The following PRDM16 variants were observed in gnomAD, a reference collection of about 807,000 sequenced individuals.
The protein encoded by PRDM16 is histone-lysine N-methyltransferase PRDM16.
PRDM16 carries 23 observed loss-of-function variants against 110.6 expected under a neutral mutation model. The ratio of observed to expected loss-of-function variants is 0.21; its 90% confidence interval spans 0.15 to 0.29. The LOEUF (loss-of-function observed/expected upper bound fraction) is 0.29. Among genes scored for constraint, PRDM16 ranks in the 10% least tolerant of loss-of-function variants. The probability of loss-of-function intolerance (pLI) is 1.00; values close to 1 mark genes in which losing one functional copy is unlikely to be tolerated. For synonymous variants in PRDM16, 799 were observed against 781.8 expected (o/e 1.02, Z -0.37); for missense variants, 1,615 against 1,794.3 (o/e 0.90, Z 1.81).
At chr1:3,271,613 G>T (rs539517127) in intron 3 of PRDM16, among the ~76,000 whole-genome samples, 17 of 152,154 alleles carry the variant, frequency 1.1e-4, no homozygotes, top group Non-Finnish European at 2.2e-4. Context: ...GGACTGTCTG[G>T]GTAGTCCAGG....
At chr1:3,314,071 C>CGGGGGGGGGGGGGGGG (rs747479644) in intron 3 of PRDM16, among the ~76,000 whole-genome samples, 7 of 100,630 alleles carry the variant, frequency 7.0e-5, no homozygotes, top group African/African-American at 3.1e-4. Context: ...CCTTCCCCAC[C>CGGGGGGGGGGGGGGGG]GGGGGGGGGG....
intron 3 of PRDM16, among the ~76,000 whole-genome samples, chr1:3,257,752 C>G (rs1194347361): frequency 6.6e-6 from 1 of 152,188 alleles, no homozygotes; most frequent in Admixed American, 6.5e-5. Context: ...AGACACTTCT[C>G]CATTTAATAG....
chr1:3,161,979 G>C (rs1643901569), intron 1 of PRDM16, among the ~76,000 whole-genome samples: 1 of 152,324 alleles, frequency 6.6e-6, no homozygotes, highest in African/African-American at 2.4e-5. Context: ...CACTCGGTTG[G>C]ACGTCGCCAG....
chr1:3,159,543 CACT>C (rs967903705), intron 1 of PRDM16, among the ~76,000 whole-genome samples: 7 of 152,232 alleles, frequency 4.6e-5, no homozygotes, highest in African/African-American at 1.7e-4. Flanking sequence ...CTAGTGACCT[CACT>C]TTTCCTTATG....
intron 6 of PRDM16, among the ~76,000 whole-genome samples, chr1:3,403,481 C>A (rs557900869): frequency 6.6e-6 from 1 of 152,366 alleles, no homozygotes; most frequent in South Asian, 2.1e-4. Flanking sequence ...AGCTCCTTCT[C>A]AGATGGTAGG....
At position 3,157,582 on chromosome 1, in the gene PRDM16, T is replaced by C. The variant is rs1643869163; in HGVS notation, c.38-28543T>C. ...AAAGAGACTGTAGGTTACAGAGAAGTCATGGGTGGGGAATTACAGGGAAAG... is the reference window on the plus strand; with the variant it reads ...AAAGAGACTGTAGGTTACAGAGAAGCCATGGGTGGGGAATTACAGGGAAAG... On this transcript the variant is annotated intron_variant, in intron 1 of 16. Coordinates refer to ENST00000270722, the MANE Select transcript of PRDM16 (RefSeq NM_022114.4). This position sits in a 1 kb window ranked among gnomAD's most constrained non-coding sequence, Gnocchi z 4.8. Among the ~76,000 whole-genome samples, 1 of 151,896 alleles carries C rather than the reference T, an allele frequency of 6.6e-6. No homozygotes were observed. The highest frequency in any genetic ancestry group is 2.1e-4 in the South Asian group (1 of 4,810).
intron 1 of PRDM16, among the ~76,000 whole-genome samples, chr1:3,084,421 C>T (rs998219664): frequency 6.6e-6 from 1 of 152,236 alleles, no homozygotes; most frequent in Non-Finnish European, 1.5e-5. Context: ...AGCCTCTCCA[C>T]AGTCTGTGCT....
intron 1 of PRDM16, among the ~76,000 whole-genome samples, chr1:3,168,776 G>A (rs1643991453): frequency 6.6e-6 from 1 of 152,202 alleles, no homozygotes; most frequent in South Asian, 2.1e-4. Flanking sequence ...CCACCTGCCC[G>A]GCCCATGGAA....
In PRDM16 at chr1:3,102,928, G is replaced by A. The variant is rs112458877; in HGVS notation, c.37+33632G>A. On this transcript the variant is annotated intron_variant, in intron 1 of 16. Coordinates refer to ENST00000270722, the MANE Select transcript of PRDM16 (RefSeq NM_022114.4). ...AACCTCAGGGTCACCTGACAGCCCC[G>A]GTGATGTGAGTCTGAATGTATCATT... Among the ~76,000 whole-genome samples, 8 of 152,336 alleles carry A rather than the reference G, an allele frequency of 5.3e-5. 1 individual carries two copies. Among genetic ancestry groups the A allele is most frequent in the African/African-American group, 1.4e-4 (6 of 41,576 alleles).
At chr1:3,088,069 G>A (rs901892505) in intron 1 of PRDM16, among the ~76,000 whole-genome samples, 2 of 152,016 alleles carry the variant, frequency 1.3e-5, no homozygotes, top group South Asian at 4.2e-4. Flanking sequence ...AGATTTATGA[G>A]GCCTAAACTT....
rs918711652 is a variant in PRDM16 at position 3,370,105 on chromosome 1, A to G, written c.439-15047A>G. On this transcript the variant is annotated intron_variant, in intron 3 of 16. Transcript: ENST00000270722. The surrounding 1 kb of genome is among the most constrained non-coding windows in gnomAD (Gnocchi z 4.8). ...ATCCATCCTGGCCCTTCTCCATGCA[A>G]CCAGACTTTTGCTAAGCACCTACTA... 1.3e-5 allele frequency among the ~76,000 whole-genome samples: 2 copies of G among 152,286 alleles called. No individual in the cohort carries two copies. The highest frequency in any genetic ancestry group is 4.1e-4 in the South Asian group (2 of 4,820).
chr1:3,104,054 C>T (rs1256444281), intron 1 of PRDM16, among the ~76,000 whole-genome samples: 2 of 152,234 alleles, frequency 1.3e-5, no homozygotes, highest in African/African-American at 4.8e-5. Flanking sequence ...GAAGTCACTG[C>T]TCCTTGGCCG....
chr1:3,193,719 A>G (rs1638378435), intron 2 of PRDM16, among the ~76,000 whole-genome samples: 2 of 152,150 alleles, frequency 1.3e-5, no homozygotes, highest in Admixed American at 1.3e-4. Context: ...AGGAAAATGT[A>G]AGAGTGAGTG....
intron 1 of PRDM16, among the ~76,000 whole-genome samples, chr1:3,134,250 C>T (rs1412479399): frequency 1.3e-5 from 2 of 152,136 alleles, no homozygotes; most frequent in African/African-American, 4.8e-5. Flanking sequence ...TGGAGCTGTC[C>T]GGAGCGCCAT....
intron 1 of PRDM16, among the ~76,000 whole-genome samples, chr1:3,169,722 G>T (rs1035050779): frequency 8.5e-5 from 13 of 152,362 alleles, no homozygotes; most frequent in South Asian, 6.2e-4. Context: ...ACCGTCTCTG[G>T]CTCCTGTACG....
chr1:3,349,622 C>T lies in PRDM16; in HGVS notation c.439-35530C>T, dbSNP rs925215298. Among the ~76,000 whole-genome samples the T allele has an allele frequency of 7.2e-5, 11 of 152,268 alleles. No homozygotes were observed. The East Asian group carries it at 7.7e-4, about 11-fold the overall frequency. On this transcript the variant is annotated intron_variant, in intron 3 of 16. Coordinates refer to ENST00000270722, the MANE Select transcript of PRDM16 (RefSeq NM_022114.4). ...GTGCTGGCAAGGGTGGCGGAGGAGC[C>T]GAGGCAGCCCGGCAGAGCTCAGGGC...
intron 3 of PRDM16, among the ~76,000 whole-genome samples, chr1:3,276,220 C>G (rs555269921): frequency 6.6e-6 from 1 of 152,370 alleles, no homozygotes; most frequent in South Asian, 2.1e-4. Flanking sequence ...GGAGTCACTT[C>G]CCAAGAGAGG....
intron 3 of PRDM16, among the ~76,000 whole-genome samples, chr1:3,375,145 C>G (rs542502616): frequency 6.6e-6 from 1 of 152,340 alleles, no homozygotes; most frequent in East Asian, 1.9e-4. Context: ...CCCACACTGT[C>G]ACGATGAGGA....
intron 3 of PRDM16, among the ~76,000 whole-genome samples, chr1:3,278,196 C>T (rs113192522): frequency 1.3e-5 from 2 of 152,344 alleles, no homozygotes; most frequent in African/African-American, 4.8e-5. Flanking sequence ...TCCAGCCTCC[C>T]ACCCTGCCTG....
Sources: gnomAD v4.1 joint callset for allele counts (sites outside exome capture counted in the v4.1 genomes callset) on GRCh38, gnomAD v4.1.1 for gene constraint, Gnocchi (gnomAD v3.1) non-coding constraint, MANE v1.5 for transcripts, NCBI Gene and HGNC (gene_info 2026-07-23, HGNC 2026-07-21) for gene names.